SIK3: variants seen among roughly 807,000 people sequenced by gnomAD.
The protein encoded by SIK3 is serine/threonine-protein kinase SIK3.
SIK3 carries 28 observed loss-of-function variants against 144.2 expected under a neutral mutation model. The ratio of observed to expected loss-of-function variants is 0.19; its 90% CI spans 0.14 to 0.27. The LOEUF (loss-of-function observed/expected upper bound fraction) is 0.27, where lower values mean the gene tolerates loss of function less well. Among genes scored for constraint, SIK3 ranks in the 10% least tolerant of loss-of-function variants. The pLI, the probability that SIK3 is intolerant of heterozygous loss-of-function variation, is 1.00. For synonymous variants in SIK3, 686 were observed against 676.3 expected, an observed-to-expected ratio of 1.01 and a Z score of -0.22; for missense variants, 1,319 against 1,776.0, an observed-to-expected ratio of 0.74 and a Z score of 4.62.
chr11:116,990,587 G>A (rs769704525), intron 1 of SIK3, among the ~76,000 whole-genome samples: 1 of 152,076 alleles, frequency 6.6e-6, no homozygotes, highest in Non-Finnish European at 1.5e-5. Context: ...CTACTCACTC[G>A]ATCACTCTTC....
chr11:117,060,835 A>G (rs1382263759), intron 1 of SIK3, among the ~76,000 whole-genome samples: 1 of 152,230 alleles, frequency 6.6e-6, no homozygotes, highest in Admixed American at 6.5e-5. Context: ...TAGCAAATGT[A>G]CCACACTAAT....
chr11:117,030,914 A>T (rs1399092773), intron 1 of SIK3, among the ~76,000 whole-genome samples: 1 of 152,206 alleles, frequency 6.6e-6, no homozygotes, highest in Non-Finnish European at 1.5e-5. Flanking sequence ...ATGATGTTGA[A>T]CATCTCTTCA....
chr11:116,878,095 G>T (rs574162848), intron 6 of SIK3, among the ~76,000 whole-genome samples: 5 of 152,122 alleles, frequency 3.3e-5, no homozygotes, highest in Admixed American at 6.5e-5. Flanking sequence ...AGAGTTGTTG[G>T]GGGATCCAAA....
chr11:117,090,403 G>C (rs997961356), intron 1 of SIK3, among the ~76,000 whole-genome samples: 11 of 151,524 alleles, frequency 7.3e-5, no homozygotes, highest in African/African-American at 2.4e-4. Flanking sequence ...AAAAAAAAGA[G>C]GAACCCTTGA....
intron 1 of SIK3, among the ~76,000 whole-genome samples, chr11:117,001,416 G>A (rs1036134176): frequency 6.6e-6 from 1 of 152,018 alleles, no homozygotes; most frequent in Non-Finnish European, 1.5e-5. Flanking sequence ...TGAGGCAGGA[G>A]AATCACTTGA....
At chr11:116,953,970 G>A (rs1431150823) in intron 3 of SIK3, 74 bp downstream of exon 3, 2 of 1,138,120 alleles carry the variant, frequency 1.8e-6, no homozygotes, top group African/African-American at 3.1e-5. Context: ...AAGTGACAAA[G>A]GCACTGAACA....
chr11:116,942,183 T>C (rs909860036), intron 3 of SIK3, among the ~76,000 whole-genome samples: 1 of 152,200 alleles, frequency 6.6e-6, no homozygotes, highest in Non-Finnish European at 1.5e-5. Flanking sequence ...AATTCCATGC[T>C]TGACTTAGTT....
intron 3 of SIK3, among the ~76,000 whole-genome samples, chr11:116,947,165 T>C (rs1297072736): frequency 3.7e-4 from 51 of 138,622 alleles, no homozygotes; most frequent in Middle Eastern, 3.7e-3. Context: ...ATATTATATA[T>C]AAATTATTAT....
chr11:116,916,164 A>G (rs1469869365), intron 4 of SIK3, among the ~76,000 whole-genome samples: 2 of 152,228 alleles, frequency 1.3e-5, no homozygotes, highest in Non-Finnish European at 2.9e-5. Context: ...GATCCTGTAT[A>G]CTACTTGAGA....
Position 117,041,472 on chromosome 11 carries a change from T to C in SIK3, c.273+56671A>G, listed in dbSNP as rs1044202481. On this transcript the variant is annotated intron_variant, in intron 1 of 24. Transcript: ENST00000445177. ...TCTATATATTCCCAAACTTATTTAA[T>C]AAAAAAAATCCTTTTCCTCCTAATA... Among the ~76,000 whole-genome samples, 10 of 151,956 alleles carry C rather than the reference T, an allele frequency of 6.6e-5. No homozygotes were observed. The South Asian group carries it at 1.9e-3, about 28-fold the overall frequency.
intron 1 of SIK3, among the ~76,000 whole-genome samples, chr11:117,034,563 A>T (rs1005267975): frequency 3.3e-5 from 5 of 152,218 alleles, no homozygotes; most frequent in African/African-American, 1.2e-4. Flanking sequence ...TTAAGAAAAG[A>T]GTAACACCAA....
intron 6 of SIK3, among the ~76,000 whole-genome samples, chr11:116,892,162 C>T (rs921541622): frequency 1.3e-5 from 2 of 152,110 alleles, no homozygotes; most frequent in African/African-American, 2.4e-5. Context: ...GACTGATCAC[C>T]ACAGTGATCA....
intron 3 of SIK3, among the ~76,000 whole-genome samples, chr11:116,928,141 A>G (rs1947385821): frequency 6.6e-6 from 1 of 152,266 alleles, no homozygotes; most frequent in African/African-American, 2.4e-5. Context: ...TGATAAAATC[A>G]TAATACTATA....
At chr11:116,847,935 C>G (rs1374474736) in intron 22 of SIK3, among the ~76,000 whole-genome samples, 1 of 152,198 alleles carries the variant, frequency 6.6e-6, no homozygotes, top group Non-Finnish European at 1.5e-5. Flanking sequence ...AGGACAGCAC[C>G]GTCCAGTCAC....
In SIK3 at chr11:116,858,383, T is replaced by C; in HGVS notation, c.3082A>G (p.Thr1028Ala). ...GGCAGCCGGATGTCCGAGTGGCCGG[T>C]GAGCGAATGCCGGGGAGAAAGCAGT... ...QGLLSPRHSL[T>A]GHSDIRLPPT... is the part of the protein sequence containing the mutation. The change falls in exon 21 of 25, where the codon ACC (threonine) becomes GCC (alanine). Residue 1028 changes from threonine to alanine, a missense_variant. By Grantham distance (58) the Thr-to-Ala change is moderately conservative (BLOSUM62 0). Transcript: ENST00000445177. This position sits in a 1 kb window ranked among gnomAD's most constrained non-coding sequence, Gnocchi z 5.4. 6.2e-7 allele frequency: 1 copy of C among 1,613,528 alleles called. No homozygotes were observed. The highest frequency in any genetic ancestry group is 8.5e-7 in the Non-Finnish European group (1 of 1,179,776).
intron 18 of SIK3, 119 bp downstream of exon 18, chr11:116,861,722 T>C: frequency 1.4e-6 from 1 of 707,246 alleles, no homozygotes; most frequent in Non-Finnish European, 2.3e-6. Context: ...GTTTCTCTCC[T>C]TTTCAAATAG....
At chr11:117,038,713 C>T (rs61905713) in intron 1 of SIK3, among the ~76,000 whole-genome samples, 24,568 of 151,962 alleles carry the variant, frequency 0.16, 2,070 homozygotes, top group Admixed American at 0.21. Context: ...AATAATCACT[C>T]ATTTCTTCCC....
chr11:117,028,928 A>G (rs903813865), intron 1 of SIK3, among the ~76,000 whole-genome samples: 1 of 147,482 alleles, frequency 6.8e-6, no homozygotes, highest in Non-Finnish European at 1.5e-5. Flanking sequence ...AGCATTTTGT[A>G]TATTTTGTTT....
At chr11:116,995,366 A>C (rs922868823) in intron 1 of SIK3, among the ~76,000 whole-genome samples, 1 of 151,218 alleles carries the variant, frequency 6.6e-6, no homozygotes, top group Non-Finnish European at 1.5e-5. Context: ...CAGGCTCAGG[A>C]GATCCTCCCG....
Sources: allele counts gnomAD v4.1 joint callset (sites outside exome capture counted in the v4.1 genomes callset), GRCh38; gene constraint gnomAD v4.1.1; non-coding constraint Gnocchi (gnomAD v3.1); transcripts MANE v1.5; gene names NCBI Gene and HGNC (gene_info 2026-07-23, HGNC 2026-07-21).